The following NRXN3 variants were observed in gnomAD, a reference collection of about 807,000 sequenced individuals.
NRXN3 encodes neurexin 3, also known as neurexin III.
A neutral mutation model predicts 137.6 loss-of-function variants in NRXN3; 32 were observed. The ratio of observed to expected loss-of-function variants is 0.23; its 90% confidence interval spans 0.18 to 0.31. The LOEUF (loss-of-function observed/expected upper bound fraction) is 0.31. Among genes scored for constraint, NRXN3 ranks in the 10% least tolerant of loss-of-function variants. The pLI is 1.00. For synonymous variants in NRXN3, 798 were observed against 784.5 expected, an observed-to-expected ratio of 1.02 and a Z score of -0.29; for missense variants, 1,574 against 2,062.5, an observed-to-expected ratio of 0.76 and a Z score of 4.59.
chr14:79,589,301 C>T (rs1421436804), intron 16 of NRXN3, among the ~76,000 whole-genome samples: 1 of 151,990 alleles, frequency 6.6e-6, no homozygotes, highest in Non-Finnish European at 1.5e-5. Context: ...ACTAGAGCCA[C>T]CCATTGTGCT....
chr14:79,547,916 T>C (rs2097336316), intron 16 of NRXN3, among the ~76,000 whole-genome samples: 1 of 152,182 alleles, frequency 6.6e-6, no homozygotes, highest in Non-Finnish European at 1.5e-5. Context: ...AATTGTCCTT[T>C]GACTTAGGCA....
intron 19 of NRXN3, among the ~76,000 whole-genome samples, chr14:79,771,376 G>A (rs1362810399): frequency 2.0e-5 from 3 of 152,032 alleles, no homozygotes; most frequent in East Asian, 1.9e-4. Flanking sequence ...AGAATCCTCA[G>A]TAAAATACTG....
Position 78,966,139 on chromosome 14 carries a change from G to A in NRXN3, c.2510G>A (p.Ser837Asn). ...VPSSFIGHLQ[S>N]LMFNGLLYID... ...TCCAGCTTTATTGGCCATCTGCAGAGCCTCATGTTTAATGGCCTTCTCTAC... is the reference window on the plus strand; with the variant it reads ...TCCAGCTTTATTGGCCATCTGCAGAACCTCATGTTTAATGGCCTTCTCTAC... Residue 837 changes from serine to asparagine, a missense_variant, in exon 12 of 21, where the codon AGC becomes AAC. Ser to Asn is a conservative substitution (Grantham distance 46). Transcript: ENST00000335750. 1 of 1,614,172 alleles carries A rather than the reference G, an allele frequency of 6.2e-7. No individual in the cohort carries two copies. The highest frequency in any genetic ancestry group is 8.5e-7 in the Non-Finnish European group (1 of 1,180,028).
intron 15 of NRXN3, among the ~76,000 whole-genome samples, chr14:79,002,416 T>C (rs559302369): frequency 4.3e-4 from 66 of 152,246 alleles, no homozygotes; most frequent in African/African-American, 1.6e-3. Flanking sequence ...CCTCTCCCTG[T>C]GTCCACGTGT....
intron 15 of NRXN3, among the ~76,000 whole-genome samples, chr14:79,358,658 A>AAAGAAAGAAAGAAAGAAAGG (rs2093567394): frequency 1.3e-5 from 2 of 150,594 alleles, no homozygotes; most frequent in African/African-American, 2.4e-5. Flanking sequence ...AGAAAGAAAG[A>AAAGAAAGAAAGAAAGAAAGG]AAGAAAGAAA....
chr14:79,473,697 A>G (rs543667296), intron 16 of NRXN3, among the ~76,000 whole-genome samples: 21 of 152,332 alleles, frequency 1.4e-4, no homozygotes, highest in African/African-American at 4.8e-4. Flanking sequence ...TTCGTTTCCC[A>G]TGGAGTGCTG....
chr14:78,697,741 A>C (rs965011276), intron 6 of NRXN3: 2 of 151,980 alleles, frequency 1.3e-5, no homozygotes, highest in African/African-American at 4.8e-5. Context: ...AATTAATTCG[A>C]GTACCAGCAT....
intron 16 of NRXN3, among the ~76,000 whole-genome samples, chr14:79,526,196 T>C (rs11848369): frequency 0.34 from 52,116 of 151,858 alleles, 12,594 homozygotes; most frequent in African/African-American, 0.68. Context: ...TACAGGCATG[T>C]GCCACCACGC....
chr14:79,315,909 C>A (rs954216973), intron 15 of NRXN3, among the ~76,000 whole-genome samples: 1 of 152,106 alleles, frequency 6.6e-6, no homozygotes, highest in East Asian at 1.9e-4. Flanking sequence ...GAAAGCAGAG[C>A]GAGATATGGC....
At chr14:79,292,958 T>C (rs371812739) in intron 15 of NRXN3, among the ~76,000 whole-genome samples, 69 of 152,308 alleles carry the variant, frequency 4.5e-4, no homozygotes, top group South Asian at 2.1e-3. Context: ...CATGTCAACA[T>C]GTCAATAATA....
intron 15 of NRXN3, among the ~76,000 whole-genome samples, chr14:79,292,771 GA>G (rs914018627): frequency 6.6e-6 from 1 of 152,208 alleles, no homozygotes; most frequent in Non-Finnish European, 1.5e-5. Context: ...GTAAATGTGT[GA>G]ACCAAAATAA....
intron 8 of NRXN3, among the ~76,000 whole-genome samples, chr14:78,759,081 C>G (rs917393208): frequency 1.3e-5 from 2 of 152,214 alleles, no homozygotes; most frequent in African/African-American, 4.8e-5. Context: ...TTCACCCACA[C>G]CACAAATGTA....
rs759538435 is a variant in NRXN3, at chr14:78,968,249, T to C, written c.3045T>C (p.Phe1015=). ...LPKLVASRDG[F]QGCLASVDLN... is the part of the protein sequence containing the mutation. ...AGCTCGTGGCCTCTCGAGATGGCTT[T>C]CAGGGCTGTCTAGCATCAGTGGACT... is the stretch of plus-strand genomic sequence containing the variant. Residue 1015 remains phenylalanine, a synonymous_variant, in exon 14 of 21, where the codon TTT becomes TTC. Coordinates refer to ENST00000335750, the MANE Select transcript of NRXN3 (RefSeq NM_001330195.2). 4 of 1,613,972 alleles carry C rather than the reference T, an allele frequency of 2.5e-6. No individual in the cohort carries two copies. In the South Asian group the frequency reaches 3.3e-5, roughly 13 times the overall value.
rs115994410 is a variant in NRXN3, at chr14:79,226,339, T to C, written c.3262+238198T>C. 6.1e-3 allele frequency among the ~76,000 whole-genome samples: 923 copies of C among 152,318 alleles called. 9 individuals are homozygous for C. The highest frequency in any genetic ancestry group is 0.021 in the African/African-American group (865 of 41,562). On this transcript the variant is annotated intron_variant, in intron 15 of 20. Coordinates refer to ENST00000335750, the MANE Select transcript of NRXN3 (RefSeq NM_001330195.2). Reference sequence around the variant, plus strand: ...ATGGAAATTAAAAATTAAATCTACTTAATGGAAAATATTTGATATAAGAAC... The same window carrying C: ...ATGGAAATTAAAAATTAAATCTACTCAATGGAAAATATTTGATATAAGAAC...
intron 19 of NRXN3, among the ~76,000 whole-genome samples, chr14:79,703,969 G>C (rs999144769): frequency 2.0e-5 from 3 of 152,052 alleles, no homozygotes; most frequent in Admixed American, 2.0e-4. Flanking sequence ...GGCTGGATAA[G>C]CCCAGGAACA....
At chr14:78,983,323 C>T (rs528023735) in intron 14 of NRXN3, among the ~76,000 whole-genome samples, 11 of 152,128 alleles carry the variant, frequency 7.2e-5, no homozygotes, top group East Asian at 3.9e-4. Context: ...GAAGGCAGTA[C>T]GCCAAAGAGA....
chr14:79,241,192 A>G (rs2074227460), intron 15 of NRXN3, among the ~76,000 whole-genome samples: 1 of 152,180 alleles, frequency 6.6e-6, no homozygotes, highest in African/African-American at 2.4e-5. Context: ...AAGATGAAAA[A>G]TAGCCTAGGA....
At chr14:78,745,023 A>G (rs894353221) in intron 8 of NRXN3, 6 of 152,234 alleles carry the variant, frequency 3.9e-5, no homozygotes, top group African/African-American at 1.4e-4. Flanking sequence ...AAGCTACAAG[A>G]CACTGATGTA....
chr14:78,829,937 A>G (rs116135652), intron 10 of NRXN3, among the ~76,000 whole-genome samples: 62 of 152,268 alleles, frequency 4.1e-4, no homozygotes, highest in African/African-American at 1.3e-3. Context: ...TTTGATAACA[A>G]TGTTTCACAT....
Sources: allele counts gnomAD v4.1 joint callset (sites outside exome capture counted in the v4.1 genomes callset), GRCh38; gene constraint gnomAD v4.1.1; transcripts MANE v1.5; gene names NCBI Gene and HGNC (gene_info 2026-07-23, HGNC 2026-07-21).